PPM1L: variants seen among roughly 807,000 people sequenced by gnomAD.
PPM1L encodes protein phosphatase 1L.
A neutral mutation model predicts 31.4 loss-of-function variants in PPM1L; 13 were observed. The observed-to-expected ratio is 0.41, with a 90% CI of 0.27 to 0.66. The LOEUF is 0.66. Ranked by LOEUF, PPM1L falls within the 30% of genes least tolerant of loss-of-function variation. The probability of loss-of-function intolerance (pLI) is 0.29; values close to 1 mark genes in which losing one functional copy is unlikely to be tolerated. For synonymous variants in PPM1L, 184 were observed against 175.4 expected (o/e 1.05, Z -0.39); for missense variants, 326 against 453.7 (o/e 0.72, Z 2.56).
chr3:160,877,190 A>T (rs1364599675), intron 1 of PPM1L, among the ~76,000 whole-genome samples: 1 of 152,224 alleles, frequency 6.6e-6, no homozygotes, highest in Non-Finnish European at 1.5e-5. Flanking sequence ...ATATATCTTC[A>T]AACTCAGTTC....
At chr3:160,845,422 GT>G (rs761475177) in intron 1 of PPM1L, among the ~76,000 whole-genome samples, 2 of 151,906 alleles carry the variant, frequency 1.3e-5, no homozygotes, top group Non-Finnish European at 2.9e-5. Flanking sequence ...ATTTGCAAAT[GT>G]TTTTTCCATT....
At chr3:160,882,080 T>C (rs1176393983) in intron 1 of PPM1L, among the ~76,000 whole-genome samples, 2 of 151,868 alleles carry the variant, frequency 1.3e-5, no homozygotes, top group African/African-American at 4.8e-5. Context: ...GTATTCCATA[T>C]CATTGATCTT....
intron 1 of PPM1L, among the ~76,000 whole-genome samples, chr3:160,932,071 G>A (rs539507399): frequency 6.6e-6 from 1 of 151,976 alleles, no homozygotes; most frequent in African/African-American, 2.4e-5. Flanking sequence ...CCAAGGGAAG[G>A]AGGAGTGAGG....
At chr3:160,763,247 A>T (rs183142440) in intron 1 of PPM1L, among the ~76,000 whole-genome samples, 1 of 152,156 alleles carries the variant, frequency 6.6e-6, no homozygotes, top group Non-Finnish European at 1.5e-5. Context: ...CTTTGTGAGG[A>T]GCTCAGGTTT....
intron 2 of PPM1L, among the ~76,000 whole-genome samples, chr3:161,007,578 C>G (rs1717755293): frequency 6.6e-6 from 1 of 152,160 alleles, no homozygotes; most frequent in Non-Finnish European, 1.5e-5. Context: ...TGCATGCAGC[C>G]CAGGACAGCT....
intron 1 of PPM1L, among the ~76,000 whole-genome samples, chr3:160,822,687 T>C (rs1047968818): frequency 1.3e-5 from 2 of 152,074 alleles, no homozygotes; most frequent in Non-Finnish European, 2.9e-5. Context: ...ATATGGTCAA[T>C]AGAAATGGTG....
intron 1 of PPM1L, among the ~76,000 whole-genome samples, chr3:160,778,251 G>A (rs564932326): frequency 6.6e-6 from 1 of 151,904 alleles, no homozygotes; most frequent in South Asian, 2.1e-4. Flanking sequence ...ATTGTTGAGT[G>A]GTAGTTCTTT....
intron 2 of PPM1L, among the ~76,000 whole-genome samples, chr3:160,971,567 TAA>T (rs1716343928): frequency 6.6e-6 from 1 of 152,222 alleles, no homozygotes; most frequent in African/African-American, 2.4e-5. Flanking sequence ...TTGGAATTGG[TAA>T]AGAGTTCTTA....
chr3:160,954,305 A>G (rs997207200), intron 1 of PPM1L, among the ~76,000 whole-genome samples: 2 of 152,200 alleles, frequency 1.3e-5, no homozygotes. Context: ...AACTAATGAT[A>G]TACATTAATT....
chr3:160,906,365 A>G, intron 1 of PPM1L, among the ~76,000 whole-genome samples: 1 of 151,970 alleles, frequency 6.6e-6, no homozygotes, highest in Non-Finnish European at 1.5e-5. Flanking sequence ...GCATTTTGGG[A>G]GGCCAAGGTG....
intron 1 of PPM1L, among the ~76,000 whole-genome samples, chr3:160,881,915 G>T (rs1023530724): frequency 6.6e-6 from 1 of 152,160 alleles, no homozygotes; most frequent in Non-Finnish European, 1.5e-5. Context: ...GCCGGGCGTG[G>T]TAACAGGCGT....
In PPM1L at chr3:160,973,764, G is replaced by GTTTTTTTTTTTTTT. The variant is rs75599237; in HGVS notation, c.574+11870_574+11883dup. Among the ~76,000 whole-genome samples, 169 of 88,400 alleles carry GTTTTTTTTTTTTTT rather than the reference G, an allele frequency of 1.9e-3. 10 individuals are homozygous for GTTTTTTTTTTTTTT. The highest frequency in any genetic ancestry group is 3.1e-3 in the Non-Finnish European group (120 of 39,124). The allele number at this position is 88,400 out of a possible 152,430, so 58.0% of individuals were successfully genotyped here. On this transcript the variant is annotated intron_variant, in intron 2 of 3. Transcript: ENST00000498165. ...GGTAAATTGCCTTCTGAAAGGCCCTGTTTTTTTTTTTTTTTTTTTTTTTTT... is the reference window on the plus strand; with the variant it reads ...GGTAAATTGCCTTCTGAAAGGCCCTGTTTTTTTTTTTTTTTTTTTTTTTTTTTTTTTTTTTTTTT...
Position 160,958,877 on chromosome 3 carries a change from T to G in PPM1L, c.400-2859T>G, listed in dbSNP as rs77744789. Among the ~76,000 whole-genome samples, 1,408 of 152,334 alleles carry G rather than the reference T, an allele frequency of 9.2e-3. 10 individuals carry two copies. Among genetic ancestry groups the G allele is most frequent in the Non-Finnish European group, 0.016 (1,082 of 68,026 alleles). On this transcript the variant is annotated intron_variant, in intron 1 of 3. Transcript: ENST00000498165. ...TCAGTTGTCATTGTTCTGGCAAGTT[T>G]CTTTTCATCCTAAATTTTGTTATCA...
At chr3:161,006,003 A>G (rs1717692446) in intron 2 of PPM1L, among the ~76,000 whole-genome samples, 1 of 152,206 alleles carries the variant, frequency 6.6e-6, no homozygotes, top group Non-Finnish European at 1.5e-5. Context: ...ATTTTAAAAG[A>G]TGCATTAAAA....
intron 1 of PPM1L, among the ~76,000 whole-genome samples, chr3:160,947,745 C>T (rs946412444): frequency 6.6e-6 from 1 of 152,176 alleles, no homozygotes; most frequent in African/African-American, 2.4e-5. Flanking sequence ...CTGGTGATAG[C>T]TGGTTGTCCA....
intron 1 of PPM1L, among the ~76,000 whole-genome samples, chr3:160,946,220 A>G (rs1434282417): frequency 6.6e-6 from 1 of 152,182 alleles, no homozygotes; most frequent in Non-Finnish European, 1.5e-5. Flanking sequence ...ACTTGCCTAC[A>G]TAAAATATTT....
At chr3:160,927,237 C>A (rs1714625341) in intron 1 of PPM1L, among the ~76,000 whole-genome samples, 1 of 152,202 alleles carries the variant, frequency 6.6e-6, no homozygotes, top group African/African-American at 2.4e-5. Flanking sequence ...GCTGTGTTAT[C>A]TTTTCTAACC....
At position 160,756,368 on chromosome 3, in the gene PPM1L, G is replaced by C. The variant is rs781420117; in HGVS notation, c.60G>C (p.Leu20Phe). 1 of 1,614,214 alleles carries C rather than the reference G, an allele frequency of 6.2e-7. No homozygotes were observed. The highest frequency in any genetic ancestry group is 8.5e-7 in the Non-Finnish European group (1 of 1,180,040). ...TGGGTCGCATCATGCGCTACTTCTT[G>C]CTGAGACCCGAGACGCTTTTCCTGC... ...SLLGRIMRYF[L>F]LRPETLFLLC... The change falls in exon 1 of 4, where the codon TTG becomes TTC. Residue 20 changes from leucine to phenylalanine, a missense_variant. By Grantham distance (22) the Leu-to-Phe change is conservative (BLOSUM62 0). This residue lies in a region of PPM1L where 42 missense variants were observed against 76.1 expected (regional missense o/e 0.55). Transcript: ENST00000498165. The surrounding 1 kb of genome is among the most constrained non-coding windows in gnomAD (Gnocchi z 6.2).
intron 2 of PPM1L, among the ~76,000 whole-genome samples, chr3:161,053,288 T>A (rs1719326635): frequency 6.6e-6 from 1 of 152,206 alleles, no homozygotes; most frequent in Admixed American, 6.5e-5. Flanking sequence ...TCAGAAAAGC[T>A]TGTCTGCTTG....
Sources: gnomAD v4.1 joint callset for allele counts (sites outside exome capture counted in the v4.1 genomes callset) on GRCh38, gnomAD v4.1.1 for gene constraint, gnomAD v4.1.1 regional missense constraint, Gnocchi (gnomAD v3.1) non-coding constraint, MANE v1.5 for transcripts, NCBI Gene and HGNC (gene_info 2026-07-23, HGNC 2026-07-21) for gene names.